Variants in EPB41L5 observed in about 807,000 individuals in gnomAD.
EPB41L5 encodes the protein band 4.1-like protein 5.
A neutral mutation model predicts 106.6 loss-of-function variants in EPB41L5; 55 were observed. The observed-to-expected ratio is 0.52, with a 90% CI of 0.42 to 0.65. EPB41L5 has a LOEUF of 0.65. EPB41L5 is among the 30% of genes least tolerant of loss of function. The pLI, the probability that EPB41L5 is intolerant of heterozygous loss-of-function variation, is 0.00. For synonymous variants in EPB41L5, 297 were observed against 306.7 expected, an observed-to-expected ratio of 0.97 and a Z score of 0.33; for missense variants, 871 against 882.1, an observed-to-expected ratio of 0.99 and a Z score of 0.16.
In EPB41L5 at chr2:120,127,920, A is replaced by G. The variant is rs549467415; in HGVS notation, c.1501+69A>G. ...TCCTTTGAAATAAGATATTTAAATC[A>G]GCTTCTCCAATAATATTTTTTGTAC... On this transcript the variant is annotated intron_variant, in intron 17 of 24. Coordinates refer to ENST00000263713, the MANE Select transcript of EPB41L5 (RefSeq NM_020909.4). 22 of 1,345,500 alleles carry G rather than the reference A, an allele frequency of 1.6e-5. No individual in the cohort carries two copies. The African/African-American group carries it at 2.6e-4, about 16-fold the overall frequency. The allele number at this position is 1,345,500 out of a possible 1,614,324, so 83.3% of individuals were successfully genotyped here.
chr2:120,156,058 T>G (rs1234523339), intron 20 of EPB41L5, among the ~76,000 whole-genome samples: 1 of 152,166 alleles, frequency 6.6e-6, no homozygotes, highest in Admixed American at 6.5e-5. Flanking sequence ...GAGGGTTTGG[T>G]GCAGGAGCAT....
At chr2:120,153,848 CT>C in intron 20 of EPB41L5, among the ~76,000 whole-genome samples, 1 of 152,226 alleles carries the variant, frequency 6.6e-6, no homozygotes, top group African/African-American at 2.4e-5. Context: ...CATTGAATAT[CT>C]TTTTCTGTCT....
intron 2 of EPB41L5, 151 bp downstream of exon 2, chr2:120,019,415 G>C: frequency 1.6e-6 from 1 of 644,368 alleles, no homozygotes; most frequent in Non-Finnish European, 2.5e-6. Flanking sequence ...CAGGTACATG[G>C]ATCAGATAAC....
At chr2:120,018,223 T>C (rs1255101539) in intron 1 of EPB41L5, among the ~76,000 whole-genome samples, 1 of 151,994 alleles carries the variant, frequency 6.6e-6, no homozygotes, top group Non-Finnish European at 1.5e-5. Flanking sequence ...TGCCTTGGCC[T>C]CCCAAAGTGC....
chr2:120,094,644 AT>A (rs1683626833), intron 14 of EPB41L5, among the ~76,000 whole-genome samples: 1 of 151,874 alleles, frequency 6.6e-6, no homozygotes, highest in Admixed American at 6.6e-5. Flanking sequence ...TTTTTCTAGT[AT>A]TTAAGGTGGA....
chr2:120,092,083 C>CA lies in EPB41L5; in HGVS notation c.1150+423dup, dbSNP rs1461423474. Among the ~76,000 whole-genome samples the CA allele has an allele frequency of 3.3e-5, 5 of 151,802 alleles. No homozygotes were observed. In the East Asian group the frequency reaches 9.7e-4, roughly 29 times the overall value. ...TCACTCTGTTGCTCAGGTTGGAGTG[C>CA]AGTGGCATGATCTCAGCTCACTGCA... On this transcript the variant is annotated intron_variant, in intron 13 of 24. Transcript: ENST00000263713.
chr2:120,086,285 T>C, intron 10 of EPB41L5, among the ~76,000 whole-genome samples: 1 of 152,330 alleles, frequency 6.6e-6, no homozygotes, highest in Non-Finnish European at 1.5e-5. Context: ...TTATATGTTA[T>C]ATTTAAAGAT....
intron 12 of EPB41L5, 78 bp downstream of exon 12, chr2:120,090,594 A>G (rs996369621): frequency 1.0e-5 from 13 of 1,291,384 alleles, no homozygotes; most frequent in Non-Finnish European, 1.3e-5. Context: ...TCTTTTTTAC[A>G]GATATGGTAA....
At chr2:120,059,313 C>T (rs932303884) in intron 3 of EPB41L5, among the ~76,000 whole-genome samples, 5 of 152,064 alleles carry the variant, frequency 3.3e-5, no homozygotes, top group Admixed American at 6.5e-5. Context: ...AACCTTATAC[C>T]TATACAAAAA....
At chr2:120,028,643 G>C (rs986890762) in intron 2 of EPB41L5, among the ~76,000 whole-genome samples, 2 of 152,174 alleles carry the variant, frequency 1.3e-5, no homozygotes, top group African/African-American at 4.8e-5. Context: ...TGATGAGGCT[G>C]CAGACTTACA....
At chr2:120,149,058 T>C (rs1471121914) in intron 20 of EPB41L5, among the ~76,000 whole-genome samples, 1 of 152,186 alleles carries the variant, frequency 6.6e-6, no homozygotes, top group Non-Finnish European at 1.5e-5. Context: ...CTCATCCTAG[T>C]GAGTATAAAG....
At chr2:120,036,452 A>G (rs1470071188) in intron 2 of EPB41L5, among the ~76,000 whole-genome samples, 1 of 152,220 alleles carries the variant, frequency 6.6e-6, no homozygotes, top group Non-Finnish European at 1.5e-5. Flanking sequence ...CTTGTTACAC[A>G]TAATCTAGAG....
At chr2:120,073,432 C>T (rs975472059) in intron 4 of EPB41L5, among the ~76,000 whole-genome samples, 1 of 152,168 alleles carries the variant, frequency 6.6e-6, no homozygotes, top group African/African-American at 2.4e-5. Context: ...GCTTAACTTT[C>T]CAGGAGAAAA....
intron 3 of EPB41L5, among the ~76,000 whole-genome samples, chr2:120,067,469 T>A (rs1470699170): frequency 6.6e-6 from 1 of 152,210 alleles, no homozygotes; most frequent in Non-Finnish European, 1.5e-5. Flanking sequence ...ATATCTTAGT[T>A]GGATGTGTGT....
At chr2:120,067,060 T>C (rs1415421946) in intron 3 of EPB41L5, among the ~76,000 whole-genome samples, 1 of 152,174 alleles carries the variant, frequency 6.6e-6, no homozygotes, top group Non-Finnish European at 1.5e-5. Flanking sequence ...CCAGCCTAGA[T>C]TGAAAGATTA....
chr2:120,091,439 T>G (rs2105368621), intron 12 of EPB41L5, 116 bp from the exon 13 acceptor site: 1 of 670,528 alleles, frequency 1.5e-6, no homozygotes, highest in East Asian at 2.6e-5. Flanking sequence ...GCTGTTCCTG[T>G]GCGATGAAGT....
intron 16 of EPB41L5, among the ~76,000 whole-genome samples, chr2:120,121,086 C>T (rs1051821033): frequency 6.6e-6 from 1 of 152,200 alleles, no homozygotes; most frequent in African/African-American, 2.4e-5. Context: ...CACTGCACTC[C>T]AGCCTGGGCA....
chr2:120,101,266 TA>T (rs1684126864), intron 16 of EPB41L5, among the ~76,000 whole-genome samples: 1 of 152,186 alleles, frequency 6.6e-6, no homozygotes, highest in African/African-American at 2.4e-5. Flanking sequence ...AAAACATGAT[TA>T]AAATCTGATA....
rs1335660560 is a variant in EPB41L5, at chr2:120,091,681, C to T, written c.1150+20C>T. On this transcript the variant is annotated intron_variant, in intron 13 of 24. Coordinates refer to ENST00000263713, the MANE Select transcript of EPB41L5 (RefSeq NM_020909.4). Reference sequence around the variant, plus strand: ...TGAAAGGTGAAGTGCAACCCTCTTTCAAAGGATTATTTTTCCTTGGCAATT... The same window carrying T: ...TGAAAGGTGAAGTGCAACCCTCTTTTAAAGGATTATTTTTCCTTGGCAATT... 7 of 1,570,272 alleles carry T rather than the reference C, an allele frequency of 4.5e-6. No homozygotes were observed. Among genetic ancestry groups the T allele is most frequent in the Non-Finnish European group, 5.2e-6 (6 of 1,144,864 alleles).
Sources: gnomAD v4.1 joint callset for allele counts (sites outside exome capture counted in the v4.1 genomes callset) on GRCh38, gnomAD v4.1.1 for gene constraint, MANE v1.5 for transcripts, NCBI Gene and HGNC (gene_info 2026-07-23, HGNC 2026-07-21) for gene names.